The following MYLK variants were observed in gnomAD, a reference collection of about 807,000 sequenced individuals.
MYLK encodes the protein myosin light chain kinase, smooth muscle.
Under a neutral mutation model 203.4 loss-of-function variants are expected in MYLK, and 106 were observed. That is an observed-to-expected ratio of 0.52 (90% CI 0.45 to 0.61). The LOEUF (loss-of-function observed/expected upper bound fraction) is 0.61, where lower values mean the gene tolerates loss of function less well. MYLK is among the 20% of genes least tolerant of loss of function. The pLI is 0.00. For synonymous variants in MYLK, 867 were observed against 959.5 expected, an observed-to-expected ratio of 0.90 and a Z score of 1.78; for missense variants, 2,072 against 2,442.3, an observed-to-expected ratio of 0.85 and a Z score of 3.20.
intron 12 of MYLK, among the ~76,000 whole-genome samples, chr3:123,724,809 A>C (rs2062222160): frequency 6.6e-6 from 1 of 152,000 alleles, no homozygotes; most frequent in African/African-American, 2.4e-5. Flanking sequence ...CAATGGCGCA[A>C]TCTCGGCTCA....
intron 4 of MYLK, among the ~76,000 whole-genome samples, chr3:123,768,037 G>C (rs1392265642): frequency 6.6e-6 from 1 of 152,174 alleles, no homozygotes; most frequent in Non-Finnish European, 1.5e-5. Context: ...TGGCCTCTCA[G>C]CAGCAGCTTC....
intron 19 of MYLK, among the ~76,000 whole-genome samples, chr3:123,683,749 C>T (rs1022050272): frequency 2.0e-5 from 3 of 152,118 alleles, no homozygotes; most frequent in African/African-American, 4.8e-5. Flanking sequence ...CAAAGACAGC[C>T]GAAAGCCCTG....
chr3:123,716,087 AC>A (rs2061883039), intron 13 of MYLK: 1 of 152,236 alleles, frequency 6.6e-6, no homozygotes, highest in Non-Finnish European at 1.5e-5. Flanking sequence ...TTGAGGGGGC[AC>A]CATGGAAGCA....
intron 20 of MYLK, among the ~76,000 whole-genome samples, chr3:123,678,641 G>A (rs1030746523): frequency 9.2e-5 from 14 of 151,620 alleles, no homozygotes; most frequent in Admixed American, 9.2e-4. Context: ...TGACACAGAG[G>A]AACACACACA....
intron 4 of MYLK, among the ~76,000 whole-genome samples, chr3:123,771,294 A>G (rs978858135): frequency 3.3e-5 from 5 of 152,144 alleles, no homozygotes; most frequent in Non-Finnish European, 7.4e-5. Context: ...TACTTCTTTC[A>G]AGATCTTCAA....
chr3:123,744,661 A>C (rs1176175588), intron 5 of MYLK, among the ~76,000 whole-genome samples: 1 of 152,200 alleles, frequency 6.6e-6, no homozygotes, highest in African/African-American at 2.4e-5. Context: ...CTTACCTTGA[A>C]ATACACATTC....
At chr3:123,805,063 C>T (rs964921646) in intron 3 of MYLK, among the ~76,000 whole-genome samples, 1 of 152,124 alleles carries the variant, frequency 6.6e-6, no homozygotes, top group Non-Finnish European at 1.5e-5. Flanking sequence ...TCCTGCTGGA[C>T]CCCTGGGGCC....
chr3:123,843,283 T>A (rs1188166451), intron 2 of MYLK, among the ~76,000 whole-genome samples: 2 of 152,214 alleles, frequency 1.3e-5, no homozygotes, highest in Non-Finnish European at 2.9e-5. Context: ...TTTTAATATG[T>A]CCTTGCAAAT....
chr3:123,699,301 A>G (rs781315630), intron 18 of MYLK, among the ~76,000 whole-genome samples: 2 of 152,120 alleles, frequency 1.3e-5, no homozygotes, highest in Non-Finnish European at 2.9e-5. Context: ...CCAGACCCCA[A>G]AAGTCCACAC....
chr3:123,692,637 G>C (rs2060723497), intron 19 of MYLK, 98 bp downstream of exon 19: 2 of 986,348 alleles, frequency 2.0e-6, no homozygotes, highest in Non-Finnish European at 3.3e-6. Flanking sequence ...CAGTGTTGGA[G>C]GCAGTTCTGT....
intron 26 of MYLK, among the ~76,000 whole-genome samples, chr3:123,647,811 C>T (rs1011680339): frequency 6.6e-6 from 1 of 152,040 alleles, no homozygotes; most frequent in East Asian, 1.9e-4. Flanking sequence ...CTCGGCCTCC[C>T]AAAGTGCTGA....
chr3:123,752,462 A>T lies in MYLK; in HGVS notation c.242T>A (p.Leu81Gln). 2 of 1,614,210 alleles carry T rather than the reference A, an allele frequency of 1.2e-6. No individual in the cohort carries two copies. The highest frequency in any genetic ancestry group is 1.7e-6 in the Non-Finnish European group (2 of 1,180,034). Reference sequence around the variant, plus strand: ...GAAAGTCCCCCGGATGCCGCAATCCAGCAGGAAGCGGCCCCCGCTGGTGAT... The same window carrying T: ...GAAAGTCCCCCGGATGCCGCAATCCTGCAGGAAGCGGCCCCCGCTGGTGAT... ...QPITSGGRFL[L>Q]DCGIRGTFSL... is the part of the protein sequence containing the mutation. Residue 81 changes from leucine (L) to glutamine (Q), a missense_variant, in exon 5 of 34, where the codon CTG becomes CAG. Around this residue, in one of 3 missense-constraint regions of MYLK, gnomAD observed 683 missense variants for 643.8 expected, o/e 1.06. Coordinates refer to ENST00000360304, the MANE Select transcript of MYLK (RefSeq NM_053025.4).
At chr3:123,716,534 G>C (rs2061901112) in intron 13 of MYLK, 1 of 152,236 alleles carries the variant, frequency 6.6e-6, no homozygotes, top group Non-Finnish European at 1.5e-5. Flanking sequence ...AGTAATGATA[G>C]GGTTGCTAGC....
At chr3:123,645,014 G>T (rs1254995736) in intron 27 of MYLK, among the ~76,000 whole-genome samples, 1 of 152,170 alleles carries the variant, frequency 6.6e-6, no homozygotes, top group Non-Finnish European at 1.5e-5. Context: ...GAATACTAGG[G>T]AGGATTTGTT....
intron 3 of MYLK, among the ~76,000 whole-genome samples, chr3:123,824,880 G>A (rs2148597308): frequency 1.3e-5 from 2 of 152,216 alleles, no homozygotes; most frequent in South Asian, 4.2e-4. Flanking sequence ...TGGGTTCGTT[G>A]GCTCAAGCCT....
Position 123,640,474 on chromosome 3 carries a change from G to T in MYLK, c.4650C>A (p.Ile1550=), listed in dbSNP as rs2108111865. Reference sequence around the variant, plus strand: ...CCGTCAGCTCAAAGTCCTCGTCAATGATGCGCTCAAACAGCTCCCCTCCTG... The same window carrying T: ...CCGTCAGCTCAAAGTCCTCGTCAATTATGCGCTCAAACAGCTCCCCTCCTG... ...IVSGGELFER[I]IDEDFELTER... is the part of the protein sequence containing the mutation. The change falls in exon 28 of 34, where the codon ATC becomes ATA. Residue 1550 remains isoleucine, a synonymous_variant. Coordinates refer to ENST00000360304, the MANE Select transcript of MYLK (RefSeq NM_053025.4). The surrounding 1 kb of genome is among the most constrained non-coding windows in gnomAD (Gnocchi z 4.3). 1 of 1,614,074 alleles carries T rather than the reference G, an allele frequency of 6.2e-7. No homozygotes were observed.
At chr3:123,840,939 C>G (rs1262079386) in intron 2 of MYLK, among the ~76,000 whole-genome samples, 1 of 151,906 alleles carries the variant, frequency 6.6e-6, no homozygotes. Flanking sequence ...TCTTGGGGAT[C>G]CAGAAGTCCT....
intron 5 of MYLK, 134 bp downstream of exon 5, chr3:123,752,197 C>A: frequency 1.1e-6 from 1 of 921,108 alleles, no homozygotes; most frequent in Non-Finnish European, 1.8e-6. Flanking sequence ...TTGGAAGGTC[C>A]GGGGTTCAAG....
At chr3:123,803,518 G>A (rs970658395) in intron 3 of MYLK, among the ~76,000 whole-genome samples, 3 of 152,232 alleles carry the variant, frequency 2.0e-5, no homozygotes, top group Admixed American at 6.5e-5. Context: ...CTCTCTACAC[G>A]GCCTGAAGGG....
Sources: gnomAD v4.1 joint callset for allele counts (sites outside exome capture counted in the v4.1 genomes callset) on GRCh38, gnomAD v4.1.1 for gene constraint, gnomAD v4.1.1 regional missense constraint, Gnocchi (gnomAD v3.1) non-coding constraint, MANE v1.5 for transcripts, NCBI Gene and HGNC (gene_info 2026-07-23, HGNC 2026-07-21) for gene names.